Variants in KAZN observed in about 807,000 individuals in gnomAD.
KAZN encodes the protein kazrin, periplakin interacting protein.
A neutral mutation model predicts 87.4 loss-of-function variants in KAZN; 40 were observed. That is an observed-to-expected ratio of 0.46 (90% confidence interval 0.36 to 0.60). KAZN has a LOEUF of 0.60. KAZN is among the 20% of genes least tolerant of loss of function. The pLI, the probability that KAZN is intolerant of heterozygous loss-of-function variation, is 0.00. For synonymous variants in KAZN, 466 were observed against 458.3 expected (o/e 1.02, Z -0.22); for missense variants, 898 against 1,073.9 (o/e 0.84, Z 2.29).
intron 2 of KAZN, among the ~76,000 whole-genome samples, chr1:14,582,935 G>C (rs543627513): frequency 1.3e-5 from 2 of 152,270 alleles, no homozygotes; most frequent in East Asian, 3.9e-4. Context: ...AGCACCGTTA[G>C]GGCAGAGACT....
At chr1:14,591,418 A>AACACACAC (rs36060158) in intron 2 of KAZN, among the ~76,000 whole-genome samples, 295 of 147,386 alleles carry the variant, frequency 2.0e-3, no homozygotes, top group African/African-American at 4.3e-3. Flanking sequence ...GGAAAGAAGA[A>AACACACAC]ACACACACAC....
intron 1 of KAZN, among the ~76,000 whole-genome samples, chr1:14,807,863 C>A (rs1646273017): frequency 6.6e-6 from 1 of 152,140 alleles, no homozygotes; most frequent in African/African-American, 2.4e-5. Flanking sequence ...CAGACACAGG[C>A]AACCCTGGCT....
chr1:13,962,009 A>C (rs952897542), intron 1 of KAZN, among the ~76,000 whole-genome samples: 1 of 152,118 alleles, frequency 6.6e-6, no homozygotes, highest in Non-Finnish European at 1.5e-5. Flanking sequence ...GCTCCTATGC[A>C]TCCTTCTCAC....
chr1:14,479,625 T>C (rs149113332), intron 2 of KAZN, among the ~76,000 whole-genome samples: 1 of 152,332 alleles, frequency 6.6e-6, no homozygotes, highest in African/African-American at 2.4e-5. Context: ...CTGACAATCC[T>C]AGGCAGAGTT....
At chr1:14,368,417 G>A (rs1380771513) in intron 2 of KAZN, among the ~76,000 whole-genome samples, 1 of 152,200 alleles carries the variant, frequency 6.6e-6, no homozygotes. Flanking sequence ...GTTTATGAAT[G>A]ATCCATCCAT....
chr1:14,268,494 A>C (rs940169226), intron 2 of KAZN, among the ~76,000 whole-genome samples: 3 of 151,888 alleles, frequency 2.0e-5, no homozygotes, highest in Admixed American at 2.0e-4. Context: ...AAGGAAAAGA[A>C]ACTCAACAGC....
At chr1:14,791,242 G>A (rs1356197883) in intron 1 of KAZN, among the ~76,000 whole-genome samples, 1 of 152,120 alleles carries the variant, frequency 6.6e-6, no homozygotes, top group Non-Finnish European at 1.5e-5. Flanking sequence ...CATCACCCGG[G>A]AGGCAGAGTT....
chr1:14,662,966 T>C (rs56358957), intron 1 of KAZN, among the ~76,000 whole-genome samples: 18,691 of 133,884 alleles, frequency 0.14, 1,511 homozygotes, highest in South Asian at 0.23. Flanking sequence ...TATGCACACA[T>C]ATATATATAT....
chr1:15,028,334 G>A (rs539670009), intron 2 of KAZN, among the ~76,000 whole-genome samples: 17 of 152,326 alleles, frequency 1.1e-4, no homozygotes, highest in African/African-American at 3.8e-4. Flanking sequence ...AATAGGACCC[G>A]CGTGGGTGAG....
intron 2 of KAZN, 29 bp downstream of exon 2, chr1:14,960,904 C>T (rs375541235): frequency 1.1e-5 from 17 of 1,582,636 alleles, no homozygotes; most frequent in African/African-American, 4.0e-5. Context: ...GCAGTTCCTT[C>T]GCTGGGAGCT....
intron 8 of KAZN, chr1:15,067,822 C>T (rs140467919): frequency 4.1e-5 from 40 of 982,858 alleles, no homozygotes; most frequent in African/African-American, 2.8e-4. Context: ...TCTTTCTCTA[C>T]GGAGACAGAT....
intron 1 of KAZN, among the ~76,000 whole-genome samples, chr1:14,100,893 G>C (rs1384398577): frequency 6.6e-6 from 1 of 152,018 alleles, no homozygotes; most frequent in African/African-American, 2.4e-5. Context: ...TTTCATGATA[G>C]TGAATAAGTT....
intron 2 of KAZN, among the ~76,000 whole-genome samples, chr1:14,342,851 G>T (rs1056484768): frequency 6.6e-6 from 1 of 152,110 alleles, no homozygotes; most frequent in African/African-American, 2.4e-5. Context: ...TTAAACTCTT[G>T]TATGTAGTGA....
intron 1 of KAZN, among the ~76,000 whole-genome samples, chr1:14,908,688 G>A (rs1656887125): frequency 6.6e-6 from 1 of 152,004 alleles, no homozygotes. Flanking sequence ...CTCCTCTCCA[G>A]TCTGGGTGAC....
At position 14,511,292 on chromosome 1, in the gene KAZN, CA is replaced by C. The variant is rs564176664; in HGVS notation, c.250-87690del. Among the ~76,000 whole-genome samples, 205 of 152,298 alleles carry C rather than the reference CA, an allele frequency of 1.3e-3. 3 individuals are homozygous for C. The highest frequency in any genetic ancestry group is 2.0e-3 in the Non-Finnish European group (133 of 68,030). ...CAAACTTTACCCAGGAGAGACACAA[CA>C]GTTCATTAAGTTCTTGTGGGCTTAA... On this transcript the variant is annotated intron_variant, in intron 2 of 16. Transcript: ENST00000636203.
At chr1:14,819,532 G>A (rs1478219945) in intron 1 of KAZN, among the ~76,000 whole-genome samples, 1 of 151,884 alleles carries the variant, frequency 6.6e-6, no homozygotes, top group Non-Finnish European at 1.5e-5. Flanking sequence ...AAGAAATCCT[G>A]CCTCAAGACT....
At chr1:14,959,633 C>G (rs1421240016) in intron 1 of KAZN, among the ~76,000 whole-genome samples, 1 of 152,148 alleles carries the variant, frequency 6.6e-6, no homozygotes, top group Non-Finnish European at 1.5e-5. Context: ...TTCAGTATGT[C>G]CTTCCACGGT....
At chr1:14,812,064 A>T (rs55700158) in intron 1 of KAZN, among the ~76,000 whole-genome samples, 7,338 of 152,190 alleles carry the variant, frequency 0.048, 306 homozygotes, top group African/African-American at 0.11. Context: ...ACTGCTTAAG[A>T]TGTTAGAAGG....
intron 2 of KAZN, among the ~76,000 whole-genome samples, chr1:14,205,884 C>CAAGAAAA (rs1646729953): frequency 2.8e-5 from 1 of 35,220 alleles, no homozygotes; most frequent in Admixed American, 6.1e-4. Flanking sequence ...GACACTGTCT[C>CAAGAAAA]AAAAAAAAAA....
Sources: gnomAD v4.1 joint callset for allele counts (sites outside exome capture counted in the v4.1 genomes callset) on GRCh38, gnomAD v4.1.1 for gene constraint, MANE v1.5 for transcripts, NCBI Gene and HGNC (gene_info 2026-07-23, HGNC 2026-07-21) for gene names.